The following PREX1 variants were observed in gnomAD, a reference collection of about 807,000 sequenced individuals.
The protein encoded by PREX1 is phosphatidylinositol 3,4,5-trisphosphate-dependent Rac exchanger 1 protein.
A neutral mutation model predicts 198.3 loss-of-function variants in PREX1; 41 were observed. The observed-to-expected ratio is 0.21, with a 90% CI of 0.16 to 0.27. PREX1 has a LOEUF of 0.27. Among genes scored for constraint, PREX1 ranks in the 10% least tolerant of loss-of-function variants. PREX1 has a pLI of 1.00. For missense variants in PREX1, 1,620 were observed against 2,200.7 expected (o/e 0.74, Z 5.28); for synonymous variants, 843 against 887.2 (o/e 0.95, Z 0.89).
At chr20:48,768,513 G>A (rs758770739) in intron 1 of PREX1, among the ~76,000 whole-genome samples, 13 of 152,298 alleles carry the variant, frequency 8.5e-5, no homozygotes, top group African/African-American at 2.6e-4. Context: ...GCCGTCACTC[G>A]GCCGGGCCCA....
At chr20:48,882,609 T>C in the PREX1 span, among the ~76,000 whole-genome samples, 1 of 151,536 alleles carries the variant, frequency 6.6e-6, no homozygotes, top group Admixed American at 6.6e-5. Flanking sequence ...AGGAGTAGAA[T>C]TGCTGGGTTA....
Position 48,747,884 on chromosome 20 carries a change from G to A in PREX1, c.220-4C>T. 1.2e-6 allele frequency: 2 copies of A among 1,611,788 alleles called. No homozygotes were observed. The highest frequency in any genetic ancestry group is 8.5e-7 in the Non-Finnish European group (1 of 1,178,864). ...GCCGGATGCGATGCAGGAATGCCTG[G>A]AGGAGAGAAGCAGAGAGAGGTGAGT... On this transcript the variant is annotated splice_region_variant and splice_polypyrimidine_tract_variant and intron_variant, in intron 1 of 39. Transcript: ENST00000371941.
chr20:48,678,382 G>T (rs1238923456), intron 13 of PREX1, among the ~76,000 whole-genome samples: 1 of 151,996 alleles, frequency 6.6e-6, no homozygotes, highest in African/African-American at 2.4e-5. Flanking sequence ...CAGGTGGGAG[G>T]ACTGCCTGAG....
In PREX1 at chr20:48,708,957, C is replaced by T. The variant is rs376515530; in HGVS notation, c.622-536G>A. On this transcript the variant is annotated intron_variant, in intron 5 of 39. Coordinates refer to ENST00000371941, the MANE Select transcript of PREX1 (RefSeq NM_020820.4). ...TCATAAGATGGGCATAAAAAATACCCCACCTTCACAAGGATATGGGACTGA... is the reference window on the plus strand; with the variant it reads ...TCATAAGATGGGCATAAAAAATACCTCACCTTCACAAGGATATGGGACTGA... Among the ~76,000 whole-genome samples, 36 of 152,286 alleles carry T rather than the reference C, an allele frequency of 2.4e-4. 1 individual carries two copies. In the South Asian group the frequency reaches 5.4e-3, roughly 23 times the overall value.
rs113508733 is a variant in PREX1, at chr20:48,713,449, C to A, written c.622-5028G>T. Among the ~76,000 whole-genome samples, 862 of 152,046 alleles carry A rather than the reference C, an allele frequency of 5.7e-3. 10 individuals carry two copies. The highest frequency in any genetic ancestry group is 0.02 in the African/African-American group (816 of 41,480). ...CCTGGGCAACAGAGTGAGACTCCAT[C>A]ATAAAAAAAGAGGCAACATAGTACT... On this transcript the variant is annotated intron_variant, in intron 5 of 39. Transcript: ENST00000371941.
At chr20:48,754,478 T>C (rs548616166) in intron 1 of PREX1, among the ~76,000 whole-genome samples, 58 of 152,150 alleles carry the variant, frequency 3.8e-4, no homozygotes, top group African/African-American at 1.3e-3. Flanking sequence ...CTGGAACCCA[T>C]GGCTGCTGTT....
rs766683793 is a variant in PREX1 at position 48,649,551 on chromosome 20, G to A, written c.3054C>T (p.Thr1018=). The change falls in exon 25 of 40, where the codon ACC becomes ACT. Residue 1018 remains threonine, a synonymous_variant. Coordinates refer to ENST00000371941, the MANE Select transcript of PREX1 (RefSeq NM_020820.4). ...CAGCCATGGTGGTGATGCAGTGCTG[G>A]GTGTACGACATGGGGTTCAGGTGGC... The part of the protein sequence containing the change: ...EQGHLNPMSY[T]QHCITTMAAP... 145 of 1,606,056 alleles carry A rather than the reference G, an allele frequency of 9.0e-5. No individual in the cohort carries two copies. In the East Asian group the frequency reaches 3.2e-3, roughly 35 times the overall value.
At chr20:48,812,132 G>A (rs1339409270) in intron 1 of PREX1, among the ~76,000 whole-genome samples, 1 of 152,196 alleles carries the variant, frequency 6.6e-6, no homozygotes, top group African/African-American at 2.4e-5. Flanking sequence ...CTAAACCCAG[G>A]TTTTTTCAGC....
intron 37 of PREX1, 151 bp from the exon 38 acceptor site, chr20:48,628,114 C>A (rs959348150): frequency 4.8e-6 from 3 of 620,246 alleles, no homozygotes; most frequent in Non-Finnish European, 8.5e-6. Context: ...CACGGCAACG[C>A]CTCCTCCTGC....
At chr20:48,694,102 G>A (rs1281665955) in intron 7 of PREX1, among the ~76,000 whole-genome samples, 2 of 152,034 alleles carry the variant, frequency 1.3e-5, no homozygotes, top group African/African-American at 4.8e-5. Flanking sequence ...AGTAGAGACA[G>A]GGTTTCACCA....
At chr20:48,635,024 C>T (rs73324998) in intron 32 of PREX1, among the ~76,000 whole-genome samples, 18,032 of 152,234 alleles carry the variant, frequency 0.12, 2,207 homozygotes, top group African/African-American at 0.31. Flanking sequence ...GTCACTGCCT[C>T]TCTTGCCTGG....
chr20:48,783,676 C>A lies in PREX1; in HGVS notation c.220-35796G>T, dbSNP rs534710508. On this transcript the variant is annotated intron_variant, in intron 1 of 39. Coordinates refer to ENST00000371941, the MANE Select transcript of PREX1 (RefSeq NM_020820.4). ...CCGAGAGCCCACAGCACCCTGACAC[C>A]GTGTCTCAATCATACCCTGCCTGTC... Among the ~76,000 whole-genome samples the A allele has an allele frequency of 3.9e-5, 6 of 152,234 alleles. No homozygotes were observed. The East Asian group carries it at 1.2e-3, about 29-fold the overall frequency.
At chr20:48,778,413 A>G (rs1369596881) in intron 1 of PREX1, among the ~76,000 whole-genome samples, 1 of 147,470 alleles carries the variant, frequency 6.8e-6, no homozygotes, top group Non-Finnish European at 1.5e-5. Flanking sequence ...GTCTCTACTA[A>G]AAGTCAAAAA....
At position 48,659,969 on chromosome 20, in the gene PREX1, G is replaced by A. The variant is rs1002731930; in HGVS notation, c.1831C>T (p.Leu611Phe). ...MEGTSSKNKQLRNDFKLVENI... is the reference protein window; with the variant it reads ...MEGTSSKNKQFRNDFKLVENI... ...TCCACCAGCTTGAAGTCGTTGCGAA[G>A]CTGTTTGTTCTTGCTGCTGGTCCCC... Residue 611 changes from leucine to phenylalanine, a missense_variant, in exon 16 of 40, where the codon CTT (leucine) becomes TTT (phenylalanine). By Grantham distance (22) the Leu-to-Phe change is conservative. This residue lies in a region of PREX1 where 488 missense variants were observed against 802.5 expected (regional missense o/e 0.61). Transcript: ENST00000371941. 1 of 1,614,230 alleles carries A rather than the reference G, an allele frequency of 6.2e-7. No homozygotes were observed. Among genetic ancestry groups the A allele is most frequent in the Non-Finnish European group, 8.5e-7 (1 of 1,180,044 alleles).
intron 1 of PREX1, among the ~76,000 whole-genome samples, chr20:48,759,633 C>T (rs1305831922): frequency 6.6e-6 from 1 of 151,816 alleles, no homozygotes; most frequent in Non-Finnish European, 1.5e-5. Context: ...CCCAGCTCTG[C>T]TGCTTACAAG....
At chr20:48,779,898 G>C (rs1418909732) in intron 1 of PREX1, among the ~76,000 whole-genome samples, 1 of 152,080 alleles carries the variant, frequency 6.6e-6, no homozygotes, top group African/African-American at 2.4e-5. Flanking sequence ...GTGTTTTTTG[G>C]GTGATGGAAG....
At chr20:48,634,573 C>T in intron 33 of PREX1, 103 bp downstream of exon 33, 2 of 1,185,384 alleles carry the variant, frequency 1.7e-6, no homozygotes, top group Non-Finnish European at 1.2e-6. Flanking sequence ...CCACCTTGGG[C>T]AGCTGGCCCA....
chr20:48,812,865 T>G (rs752568396), intron 1 of PREX1, among the ~76,000 whole-genome samples: 4 of 152,196 alleles, frequency 2.6e-5, no homozygotes, highest in African/African-American at 7.2e-5. Flanking sequence ...CGAGGAAGTA[T>G]GCACAAGCAG....
the PREX1 span, among the ~76,000 whole-genome samples, chr20:48,839,903 C>A: frequency 6.6e-6 from 1 of 152,212 alleles, no homozygotes; most frequent in African/African-American, 2.4e-5. Flanking sequence ...GGAGGAGAGC[C>A]AGACTACTGA....
Sources: allele counts gnomAD v4.1 joint callset (sites outside exome capture counted in the v4.1 genomes callset), GRCh38; gene constraint gnomAD v4.1.1; regional missense constraint gnomAD v4.1.1; transcripts MANE v1.5; gene names NCBI Gene and HGNC (gene_info 2026-07-23, HGNC 2026-07-21).